Variants in MATN2 observed in about 807,000 individuals in gnomAD.
MATN2 encodes matrilin-2.
A neutral mutation model predicts 103.2 loss-of-function variants in MATN2; 69 were observed. The ratio of observed to expected loss-of-function variants is 0.67; its 90% CI spans 0.55 to 0.82. MATN2 has a LOEUF of 0.82. Among genes scored for constraint, MATN2 ranks in the 40% least tolerant of loss-of-function variants. The pLI, the probability that MATN2 is intolerant of heterozygous loss-of-function variation, is 0.00. For missense variants in MATN2, 1,023 were observed against 1,211.5 expected (o/e 0.84, Z 2.31); for synonymous variants, 429 against 450.2 (o/e 0.95, Z 0.60).
chr8:97,907,608 C>A (rs551282963), intron 2 of MATN2, among the ~76,000 whole-genome samples: 33 of 152,240 alleles, frequency 2.2e-4, no homozygotes, highest in African/African-American at 7.0e-4. Flanking sequence ...AGGCGTGAGC[C>A]ATGGTGCCCA....
At chr8:98,033,202 A>G in intron 17 of MATN2, 26 bp downstream of exon 17, 4 of 1,571,760 alleles carry the variant, frequency 2.5e-6, no homozygotes, top group Non-Finnish European at 3.4e-6. Flanking sequence ...ATATTACTAT[A>G]AGATAACTTG....
At position 97,888,175 on chromosome 8, in the gene MATN2, G is replaced by T. The variant is rs1818509325; in HGVS notation, c.75G>T (p.Glu25Asp). ...QIVLLPAEAR[E>D]RSRGRSISRG... ...TCCTCCTCCCTGCCGAGGCCAGGGA[G>T]CGGTCACGTGGGAGGTCCATCTCTA... The change falls in exon 2 of 19, where the codon GAG becomes GAT. Residue 25 changes from glutamate to aspartate, a missense_variant. Glu to Asp is a conservative substitution (Grantham distance 45, BLOSUM62 2). Transcript: ENST00000254898. 1.2e-6 allele frequency: 2 copies of T among 1,608,198 alleles called. No individual in the cohort carries two copies. The highest frequency in any genetic ancestry group is 3.4e-5 in the Admixed American group (2 of 59,396).
Position 97,875,016 on chromosome 8 carries a change from C to T in MATN2, c.-27+5729C>T, listed in dbSNP as rs554068585. 2.4e-4 allele frequency among the ~76,000 whole-genome samples: 36 copies of T among 152,194 alleles called. No individual in the cohort carries two copies. The South Asian group carries it at 7.1e-3, about 30-fold the overall frequency. ...CAGGCACAAGCCACCGCCCCTGGCC[C>T]CTCTTCTACTTTTGAGGACGCTCGT... On this transcript the variant is annotated intron_variant, in intron 1 of 18. Coordinates refer to ENST00000254898, the MANE Select transcript of MATN2 (RefSeq NM_002380.5).
intron 18 of MATN2, 91 bp from the exon 19 acceptor site, chr8:98,035,566 C>A (rs1233525870): frequency 3.9e-6 from 3 of 762,714 alleles, no homozygotes; most frequent in Non-Finnish European, 6.3e-6. Context: ...TTTTAGATTT[C>A]AGAAGCCAAA....
intron 8 of MATN2, among the ~76,000 whole-genome samples, chr8:98,006,613 A>G (rs1812978987): frequency 6.6e-6 from 1 of 152,104 alleles, no homozygotes; most frequent in Non-Finnish European, 1.5e-5. Flanking sequence ...TTTGATCTTG[A>G]CCTTCCTGAG....
At position 98,033,800 on chromosome 8, in the gene MATN2, T is replaced by C. The variant is rs545241615; in HGVS notation, c.2815+141T>C. ...GTGATCTCCAGGAAAGGCTTTTTGC[T>C]TTAAAAAGCAGCCTCACAGGTGTTT... On this transcript the variant is annotated intron_variant, in intron 18 of 18. Transcript: ENST00000254898. The C allele has an allele frequency of 5.7e-4, 366 of 642,696 alleles. 5 individuals carry two copies. In the South Asian group the frequency reaches 7.8e-3, roughly 14 times the overall value. The allele number at this position is 642,696 out of a possible 1,614,324, so 39.8% of individuals were successfully genotyped here.
chr8:97,952,464 C>G (rs772559186), intron 4 of MATN2, among the ~76,000 whole-genome samples: 17 of 152,204 alleles, frequency 1.1e-4, no homozygotes, highest in Non-Finnish European at 1.9e-4. Flanking sequence ...GCCCCATGCT[C>G]CGTGCTCCCC....
chr8:97,920,519 G>A (rs1368285607), intron 2 of MATN2, among the ~76,000 whole-genome samples: 1 of 152,222 alleles, frequency 6.6e-6, no homozygotes, highest in Non-Finnish European at 1.5e-5. Context: ...GATACTAGGA[G>A]TTTAAAGCTG....
intron 4 of MATN2, among the ~76,000 whole-genome samples, chr8:97,942,722 CATT>C (rs375788645): frequency 8.9e-4 from 136 of 152,318 alleles, no homozygotes; most frequent in African/African-American, 3.2e-3. Flanking sequence ...TGCAGTGTGT[CATT>C]GTTGCAATGT....
chr8:97,941,182 AAAAGAAAG>A (rs1165245870), intron 3 of MATN2, among the ~76,000 whole-genome samples: 2 of 58,426 alleles, frequency 3.4e-5, no homozygotes, highest in African/African-American at 1.4e-4. Flanking sequence ...AAAAAAAAAA[AAAAGAAAG>A]AAAGAAAGAA....
rs374514918 is a variant in MATN2 at position 97,979,027 on chromosome 8, C to T, written c.1081+19C>T. 6.3e-7 allele frequency: 1 copy of T among 1,595,472 alleles called. No individual in the cohort carries two copies. Among genetic ancestry groups the T allele is most frequent in the Admixed American group, 1.8e-5 (1 of 57,032 alleles). On this transcript the variant is annotated intron_variant, in intron 6 of 18. Transcript: ENST00000254898. ...TGCACAAGTAAGTTACACACACATG[C>T]ACACACAGAGAAATATTTGCTGTTA...
Position 98,032,914 on chromosome 8 carries a change from C to T in MATN2, c.2582-128C>T. ...TCCACTGAAGATAACAGTCTTTTTG[C>T]TTCAGTATGTCCCAAAGTAAAGCTC... On this transcript the variant is annotated intron_variant, in intron 16 of 18. Coordinates refer to ENST00000254898, the MANE Select transcript of MATN2 (RefSeq NM_002380.5). The T allele has an allele frequency of 6.9e-6, 5 of 723,574 alleles. No individual in the cohort carries two copies. The South Asian group carries it at 1.5e-4, about 22-fold the overall frequency. The allele number at this position is 723,574 out of a possible 1,614,324, so 44.8% of individuals were successfully genotyped here.
In MATN2 at chr8:98,027,449, T is replaced by C. The variant is rs757058293; in HGVS notation, c.1976T>C (p.Val659Ala). The C allele has an allele frequency of 5.6e-6, 9 of 1,611,474 alleles. No individual in the cohort carries two copies. Among genetic ancestry groups the C allele is most frequent in the Non-Finnish European group, 7.6e-6 (9 of 1,177,766 alleles). ...CTEGPIDLVFVIDGSKSLGEE... is the reference protein window; with the variant it reads ...CTEGPIDLVFAIDGSKSLGEE... ...GAAGGCCCAATTGACCTGGTCTTTGTGATCGATGGATCCAAGAGTCTTGGA... is the reference window on the plus strand; with the variant it reads ...GAAGGCCCAATTGACCTGGTCTTTGCGATCGATGGATCCAAGAGTCTTGGA... Residue 659 changes from valine to alanine, a missense_variant, in exon 14 of 19, where the codon GTG becomes GCG. Physicochemically the swap from Val to Ala is moderately conservative, Grantham distance 64. Transcript: ENST00000254898.
At chr8:98,015,054 C>T (rs1473740374) in intron 10 of MATN2, among the ~76,000 whole-genome samples, 1 of 152,130 alleles carries the variant, frequency 6.6e-6, no homozygotes, top group Admixed American at 6.5e-5. Context: ...CCTTCTAGTC[C>T]CCCAGAAGCC....
intron 6 of MATN2, among the ~76,000 whole-genome samples, chr8:97,993,529 C>T (rs55696353): frequency 0.013 from 1,916 of 151,860 alleles, 35 homozygotes; most frequent in African/African-American, 0.044. Flanking sequence ...AATAAAAATA[C>T]ACAAGTAAAA....
intron 5 of MATN2, among the ~76,000 whole-genome samples, chr8:97,964,803 G>A (rs574326332): frequency 1.3e-5 from 2 of 151,536 alleles, no homozygotes; most frequent in East Asian, 1.9e-4. Context: ...GCGCGACCTC[G>A]GCTCACTGCA....
At chr8:98,026,284 G>C (rs1813805645) in intron 13 of MATN2, among the ~76,000 whole-genome samples, 1 of 148,758 alleles carries the variant, frequency 6.7e-6, no homozygotes, top group Admixed American at 6.7e-5. Context: ...GAGAGATGCA[G>C]GGTCTTGCTC....
At chr8:97,971,074 T>C (rs942942370) in intron 5 of MATN2, among the ~76,000 whole-genome samples, 2 of 152,082 alleles carry the variant, frequency 1.3e-5, no homozygotes, top group Non-Finnish European at 2.9e-5. Context: ...AGGTGGTTGG[T>C]TAGGCAGTCA....
In MATN2 at chr8:98,027,789, G is replaced by A. The variant is rs567806778; in HGVS notation, c.2316G>A (p.Gln772=). The A allele has an allele frequency of 1.1e-4, 175 of 1,596,808 alleles. 2 individuals carry two copies. The South Asian group carries it at 1.8e-3, about 17-fold the overall frequency. The part of the protein sequence containing the change: ...AAIVFTDGRA[Q]DDVSEWASKA... ...TTGTGTTCACCGACGGACGGGCTCA[G>A]GATGACGTCTCCGAGTGGGCCAGTA... The change falls in exon 14 of 19, where the codon CAG becomes CAA. Residue 772 remains glutamine, a synonymous_variant. Coordinates refer to ENST00000254898, the MANE Select transcript of MATN2 (RefSeq NM_002380.5).
Sources: allele counts gnomAD v4.1 joint callset (sites outside exome capture counted in the v4.1 genomes callset), GRCh38; gene constraint gnomAD v4.1.1; transcripts MANE v1.5; gene names NCBI Gene and HGNC (gene_info 2026-07-23, HGNC 2026-07-21).